The following VWA8 variants were observed in gnomAD, a reference collection of about 807,000 sequenced individuals.
VWA8 encodes von Willebrand factor A domain containing 8.
In VWA8, 221 loss-of-function variants were observed where a neutral mutation model predicts 241.5. The observed-to-expected ratio is 0.91, with a 90% CI of 0.82 to 1.02. The LOEUF is 1.02. Among genes scored for constraint, VWA8 ranks in the 50% least tolerant of loss-of-function variants. The probability of loss-of-function intolerance (pLI) is 0.00; values close to 1 mark genes in which losing one functional copy is unlikely to be tolerated. For synonymous variants in VWA8, 852 were observed against 827.1 expected (o/e 1.03, Z -0.52); for missense variants, 2,322 against 2,328.7 (o/e 1.00, Z 0.06).
At chr13:41,959,356 A>G (rs1878483037) in intron 1 of VWA8, among the ~76,000 whole-genome samples, 3 of 152,190 alleles carry the variant, frequency 2.0e-5, no homozygotes, top group African/African-American at 7.2e-5. Context: ...CCAAAACCCA[A>G]CCTATAGTTT....
At chr13:41,875,232 AT>A (rs1159050098) in intron 9 of VWA8, among the ~76,000 whole-genome samples, 1 of 152,104 alleles carries the variant, frequency 6.6e-6, no homozygotes, top group East Asian at 1.9e-4. Context: ...ACTATGTCAT[AT>A]TATGGCAGCT....
chr13:41,783,846 A>C lies in VWA8; in HGVS notation c.2226T>G (p.Asn742Lys), dbSNP rs1163688745. ...RIGAVSAPIY[N>K]AHEKMKVPDV... Reference sequence around the variant, plus strand: ...CAGGCACTTTCATTTTCTCATGTGCATTATAGATCGGTGCACTAACAGCAC... The same window carrying C: ...CAGGCACTTTCATTTTCTCATGTGCCTTATAGATCGGTGCACTAACAGCAC... Residue 742 changes from asparagine to lysine, a missense_variant, in exon 19 of 45, where the codon AAT becomes AAG. By Grantham distance (94) the Asn-to-Lys change is moderately conservative (BLOSUM62 0). Transcript: ENST00000379310. 2 of 1,613,858 alleles carry C rather than the reference A, an allele frequency of 1.2e-6. No individual in the cohort carries two copies. Among genetic ancestry groups the C allele is most frequent in the African/African-American group, 1.3e-5 (1 of 75,034 alleles).
At chr13:41,760,451 T>A (rs999472137) in intron 21 of VWA8, among the ~76,000 whole-genome samples, 37 of 151,862 alleles carry the variant, frequency 2.4e-4, no homozygotes, top group Non-Finnish European at 3.8e-4. Flanking sequence ...TACTATATAT[T>A]TTTTACTTCC....
intron 40 of VWA8, among the ~76,000 whole-genome samples, chr13:41,593,661 T>C (rs192166011): frequency 6.6e-6 from 1 of 152,360 alleles, no homozygotes; most frequent in African/African-American, 2.4e-5. Context: ...TGGGAAATGC[T>C]ATTGTGGATG....
chr13:41,612,981 A>G (rs1206998542), intron 38 of VWA8, among the ~76,000 whole-genome samples: 2 of 152,238 alleles, frequency 1.3e-5, no homozygotes. Context: ...TAAAAGCCAT[A>G]TAATGGACTG....
intron 24 of VWA8, 74 bp downstream of exon 24, chr13:41,727,120 G>A (rs2045441861): frequency 2.5e-6 from 3 of 1,178,178 alleles, no homozygotes; most frequent in South Asian, 3.0e-5. Context: ...AGCATTCAAT[G>A]ACAGCCATTA....
At position 41,883,412 on chromosome 13, in the gene VWA8, T is replaced by G; in HGVS notation, c.1055A>C (p.Lys352Thr). 1 of 1,613,344 alleles carries G rather than the reference T, an allele frequency of 6.2e-7. No homozygotes were observed. The highest frequency in any genetic ancestry group is 8.5e-7 in the Non-Finnish European group (1 of 1,179,408). Residue 352 changes from lysine to threonine, a missense_variant, in exon 9 of 45, where the codon AAG (lysine) becomes ACG (threonine). Lys to Thr is a moderately conservative substitution (Grantham distance 78). Transcript: ENST00000379310. The part of the protein sequence containing the change: ...PYSILLGHEG[K>T]MAVEGVLKRF... ...CTTTAAAACACCTTCCACAGCCATC[T>G]TCCCTTCATGACCTAGTAAAATACT...
At chr13:41,872,874 T>C (rs1017775584) in intron 9 of VWA8, among the ~76,000 whole-genome samples, 6 of 152,262 alleles carry the variant, frequency 3.9e-5, no homozygotes, top group South Asian at 4.1e-4. Context: ...GGGGATGGCA[T>C]TGAATCTATA....
chr13:41,959,220 C>T (rs1453172583), intron 1 of VWA8, among the ~76,000 whole-genome samples: 1 of 152,004 alleles, frequency 6.6e-6, no homozygotes, highest in East Asian at 1.9e-4. Context: ...TCACAACAAC[C>T]ATAATAGATA....
At position 41,883,396 on chromosome 13, in the gene VWA8, A is replaced by C. The variant is rs1471636337; in HGVS notation, c.1071T>G (p.Gly357=). The C allele has an allele frequency of 6.2e-7, 1 of 1,611,388 alleles. No homozygotes were observed. The highest frequency in any genetic ancestry group is 1.7e-5 in the Admixed American group (1 of 60,010). ...GGAAGCAGACACTCACCTTTAAAACACCTTCCACAGCCATCTTCCCTTCAT... is the reference window on the plus strand; with the variant it reads ...GGAAGCAGACACTCACCTTTAAAACCCCTTCCACAGCCATCTTCCCTTCAT... ...LGHEGKMAVE[G]VLKRFELQDS... Residue 357 remains glycine, a synonymous_variant, in exon 9 of 45, where the codon GGT becomes GGG. Transcript: ENST00000379310.
At chr13:41,909,353 C>T (rs1284111494) in intron 3 of VWA8, among the ~76,000 whole-genome samples, 1 of 152,184 alleles carries the variant, frequency 6.6e-6, no homozygotes, top group Non-Finnish European at 1.5e-5. Flanking sequence ...AGCCACCGCA[C>T]CCAGTCTAAA....
intron 35 of VWA8, among the ~76,000 whole-genome samples, chr13:41,682,724 C>G (rs1047074706): frequency 6.6e-6 from 1 of 152,126 alleles, no homozygotes; most frequent in Non-Finnish European, 1.5e-5. Flanking sequence ...CCAGCTTGGG[C>G]AACAGAGCAA....
chr13:41,863,455 T>TTCACA (rs1566485517), intron 12 of VWA8, among the ~76,000 whole-genome samples: 9 of 87,180 alleles, frequency 1.0e-4, no homozygotes, highest in Admixed American at 3.5e-4. Flanking sequence ...ATATATATAT[T>TTCACA]CACACACACA....
intron 12 of VWA8, among the ~76,000 whole-genome samples, chr13:41,852,840 T>C (rs981165027): frequency 1.3e-5 from 2 of 152,182 alleles, no homozygotes; most frequent in African/African-American, 4.8e-5. Context: ...TGCCATGCTA[T>C]TTTTATTACT....
chr13:41,667,497 C>T (rs1489921732), intron 37 of VWA8, among the ~76,000 whole-genome samples: 1 of 152,300 alleles, frequency 6.6e-6, no homozygotes, highest in Admixed American at 6.5e-5. Context: ...AAAGAATATA[C>T]TACTTCCTTA....
At chr13:41,890,440 G>C (rs1874779252) in intron 5 of VWA8, among the ~76,000 whole-genome samples, 1 of 152,238 alleles carries the variant, frequency 6.6e-6, no homozygotes. Flanking sequence ...GGTACAGCTT[G>C]AGCTGGATGA....
intron 14 of VWA8, 132 bp downstream of exon 14, chr13:41,830,397 C>A: frequency 1.5e-6 from 1 of 664,680 alleles, no homozygotes; most frequent in Non-Finnish European, 2.5e-6. Context: ...AAAGTAGTGG[C>A]ATATCCAGGA....
intron 39 of VWA8, among the ~76,000 whole-genome samples, chr13:41,605,913 C>T (rs923492353): frequency 2.6e-5 from 4 of 152,058 alleles, no homozygotes; most frequent in African/African-American, 9.7e-5. Context: ...CAGTATGCTG[C>T]TCCTTTTTAT....
intron 2 of VWA8, chr13:41,926,645 A>G (rs1310339150): frequency 1.8e-6 from 1 of 543,520 alleles, no homozygotes; most frequent in Non-Finnish European, 3.7e-6. Context: ...AATCACAGAG[A>G]AGATGGTTTC....
Sources: gnomAD v4.1 joint callset for allele counts (sites outside exome capture counted in the v4.1 genomes callset) on GRCh38, gnomAD v4.1.1 for gene constraint, MANE v1.5 for transcripts, NCBI Gene and HGNC (gene_info 2026-07-23, HGNC 2026-07-21) for gene names.